RTTN: variants seen among roughly 807,000 people sequenced by gnomAD.
The protein encoded by RTTN is rotatin.
A neutral mutation model predicts 269.2 loss-of-function variants in RTTN; 182 were observed. The ratio of observed to expected loss-of-function variants is 0.68; its 90% confidence interval spans 0.60 to 0.76. RTTN has a LOEUF of 0.76. Among genes scored for constraint, RTTN ranks in the 30% least tolerant of loss-of-function variants. RTTN has a pLI of 0.00. For synonymous variants in RTTN, 1,006 were observed against 963.5 expected (o/e 1.04, Z -0.82); for missense variants, 2,545 against 2,608.6 (o/e 0.98, Z 0.53).
chr18:70,041,831 C>T (rs2057349324), intron 40 of RTTN, among the ~76,000 whole-genome samples: 1 of 152,038 alleles, frequency 6.6e-6, no homozygotes, highest in African/African-American at 2.4e-5. Flanking sequence ...TACTTGGCTA[C>T]ATAACATTTG....
rs148458931 is a variant in RTTN, at chr18:70,024,948, G to A, written c.5824-100C>T. 6 of 1,355,496 alleles carry A rather than the reference G, an allele frequency of 4.4e-6. No homozygotes were observed. The South Asian group carries it at 8.7e-5, about 20-fold the overall frequency. 84.0% of individuals were successfully genotyped at this position (1,355,496 alleles called of 1,614,324 possible). A position where few individuals can be genotyped will look rare whatever the true frequency, so the allele number is the denominator to read the frequency against. ...GAAAGCCATCAACATAAGACCCAAG[G>A]AGAACCCTGTGGATGGCTTCAGCAT... is the stretch of plus-strand genomic sequence containing the variant. On this transcript the variant is annotated intron_variant, in intron 43 of 48. Coordinates refer to ENST00000640769, the MANE Select transcript of RTTN (RefSeq NM_173630.4).
rs2057169083 is a variant in RTTN at position 70,036,284 on chromosome 18, G to A, written c.5542-5303C>T. Reference sequence around the variant, plus strand: ...GCACTATCTGCAATGGTAAAGACATGGAATCAACTTAAATGCCCATCAATG... The same window carrying A: ...GCACTATCTGCAATGGTAAAGACATAGAATCAACTTAAATGCCCATCAATG... On this transcript the variant is annotated intron_variant, in intron 40 of 48. Transcript: ENST00000640769. Among the ~76,000 whole-genome samples the A allele has an allele frequency of 2.0e-5, 3 of 152,124 alleles. No homozygotes were observed. The South Asian group carries it at 6.2e-4, about 31-fold the overall frequency.
chr18:70,025,533 C>T (rs750910514), intron 43 of RTTN, among the ~76,000 whole-genome samples: 12 of 152,146 alleles, frequency 7.9e-5, no homozygotes, highest in African/African-American at 2.4e-4. Flanking sequence ...ACACCCTATA[C>T]GATTTCACAT....
Position 70,004,424 on chromosome 18 carries a change from AT to A in RTTN, c.6596-189del, listed in dbSNP as rs1195169852. On this transcript the variant is annotated intron_variant, in intron 48 of 48. Coordinates refer to ENST00000640769, the MANE Select transcript of RTTN (RefSeq NM_173630.4). ...AAAATAAACAAGTTACAAAATCAATATTTTTTTAAATTAACAGCTTACCCAG... is the reference window on the plus strand; with the variant it reads ...AAAATAAACAAGTTACAAAATCAATATTTTTTAAATTAACAGCTTACCCAG... Among the ~76,000 whole-genome samples, 22 of 152,268 alleles carry A rather than the reference AT, an allele frequency of 1.4e-4. No homozygotes were observed. In the East Asian group the frequency reaches 1.9e-3, roughly 13 times the overall value.
Position 70,022,465 on chromosome 18 carries a change from T to C in RTTN, c.5951-1648A>G, listed in dbSNP as rs1568252869. Among the ~76,000 whole-genome samples, 2 of 152,166 alleles carry C rather than the reference T, an allele frequency of 1.3e-5. 1 individual carries two copies. Among genetic ancestry groups the C allele is most frequent in the South Asian group, 4.1e-4 (2 of 4,834 alleles). On this transcript the variant is annotated intron_variant, in intron 44 of 48. Transcript: ENST00000640769. The stretch of plus-strand genomic sequence containing the variant: ...TCCCAATCCCTTAAGTTAATAAACA[T>C]GCCTTAAAAACATACATCTTTAAAA...
chr18:70,044,311 A>G (rs1480901024), intron 40 of RTTN, among the ~76,000 whole-genome samples: 4 of 152,248 alleles, frequency 2.6e-5, no homozygotes, highest in Non-Finnish European at 5.9e-5. Context: ...CTACTTTTAG[A>G]TATCAGATCA....
chr18:70,054,498 G>A (rs1236478429), intron 37 of RTTN, among the ~76,000 whole-genome samples: 1 of 152,252 alleles, frequency 6.6e-6, no homozygotes, highest in African/African-American at 2.4e-5. Flanking sequence ...ACCAAACAAA[G>A]CAATGTTTTC....
At chr18:70,025,881 T>C (rs1271183649) in intron 43 of RTTN, among the ~76,000 whole-genome samples, 1 of 152,232 alleles carries the variant, frequency 6.6e-6, no homozygotes, top group East Asian at 1.9e-4. Flanking sequence ...ACACAGCTCT[T>C]CCTGCCTCCT....
chr18:70,121,667 A>G lies in RTTN; in HGVS notation c.3417T>C (p.Asp1139=), dbSNP rs1455077661. The stretch of plus-strand genomic sequence containing the variant: ...GTATGATATCTATTAGCAGTTTCTC[A>G]TCTTCAGTGCAAGCAGGAAGCACCT... The part of the protein sequence containing the change: ...FLQVLPACTE[D]EKLLIDIIHF... The change falls in exon 26 of 49, where the codon GAT becomes GAC. Residue 1139 remains aspartate, a synonymous_variant. Transcript: ENST00000640769. 1 of 1,565,262 alleles carries G rather than the reference A, an allele frequency of 6.4e-7. No homozygotes were observed. Among genetic ancestry groups the G allele is most frequent in the Non-Finnish European group, 8.6e-7 (1 of 1,162,886 alleles).
At chr18:70,005,389 T>A in intron 47 of RTTN, 122 bp from the exon 48 acceptor site, 1 of 591,162 alleles carries the variant, frequency 1.7e-6, no homozygotes, top group East Asian at 3.0e-5. Context: ...ATAATATAAC[T>A]AGAGAGTTCC....
At chr18:70,071,246 AT>A (rs1430420986) in intron 34 of RTTN, among the ~76,000 whole-genome samples, 1 of 152,214 alleles carries the variant, frequency 6.6e-6, no homozygotes, top group Non-Finnish European at 1.5e-5. Context: ...AAGTGTAAAA[AT>A]TCTCTTTAAA....
At chr18:70,116,664 A>G (rs2059609178) in intron 26 of RTTN, among the ~76,000 whole-genome samples, 1 of 152,004 alleles carries the variant, frequency 6.6e-6, no homozygotes, top group African/African-American at 2.4e-5. Context: ...GTCACTGTTG[A>G]CCTCTAAAAG....
At position 70,017,528 on chromosome 18, in the gene RTTN, G is replaced by A; in HGVS notation, c.6300C>T (p.Gly2100=). 6.2e-7 allele frequency: 1 copy of A among 1,614,056 alleles called. No homozygotes were observed. The highest frequency in any genetic ancestry group is 2.2e-5 in the East Asian group (1 of 44,854). The change falls in exon 46 of 49, where the codon GGC becomes GGT. Residue 2100 remains glycine (G), a synonymous_variant. Coordinates refer to ENST00000640769, the MANE Select transcript of RTTN (RefSeq NM_173630.4). ...DGQQMILRLD[G]CLDLLTEMSK... is the part of the protein sequence containing the mutation. The stretch of plus-strand genomic sequence containing the variant: ...TCATCTCTGTTAGTAAGTCTAGACA[G>A]CCATCAAGCCTCAGAATCATTTGTT...
intron 23 of RTTN, chr18:70,130,181 G>A (rs189962809): frequency 2.6e-5 from 4 of 152,086 alleles, no homozygotes; most frequent in Admixed American, 2.0e-4. Context: ...CTGTTAGTGG[G>A]AATGTAAATT....
chr18:70,037,102 C>G (rs1356845810), intron 40 of RTTN, among the ~76,000 whole-genome samples: 4 of 152,194 alleles, frequency 2.6e-5, no homozygotes. Flanking sequence ...GATCAACTGC[C>G]CAAACCAGCA....
intron 10 of RTTN, among the ~76,000 whole-genome samples, chr18:70,177,884 C>CA (rs565420621): frequency 8.6e-4 from 131 of 151,916 alleles, no homozygotes; most frequent in African/African-American, 2.9e-3. Flanking sequence ...GGCAGTTCCT[C>CA]AAAAAAACAC....
At chr18:70,042,366 CTTTTTTTTTTTTTT>C (rs1017125527) in intron 40 of RTTN, among the ~76,000 whole-genome samples, 9 of 78,068 alleles carry the variant, frequency 1.2e-4, no homozygotes, top group South Asian at 4.4e-4. Context: ...TTGGAATTTT[CTTTTTTTTTTTTTT>C]TTTTTTTTTT....
Position 70,204,096 on chromosome 18 carries a change from G to C in RTTN, c.387C>G (p.Thr129=). The change falls in exon 3 of 49, where the codon ACC becomes ACG. Residue 129 remains threonine (T), a synonymous_variant. Transcript: ENST00000640769. ...VPALSSASYQ[T]NQTELSKNPE... ...ATTCCAAAGAGTTACCAGTTTGATT[G>C]GTTTGGTATGAGGCAGAAGATAGTG... 2 of 1,605,482 alleles carry C rather than the reference G, an allele frequency of 1.2e-6. No homozygotes were observed. The highest frequency in any genetic ancestry group is 8.5e-7 in the Non-Finnish European group (1 of 1,174,392).
chr18:70,165,577 T>C (rs1001437138), intron 14 of RTTN, among the ~76,000 whole-genome samples: 3 of 152,000 alleles, frequency 2.0e-5, no homozygotes, highest in East Asian at 1.9e-4. Flanking sequence ...CTTTTAAATA[T>C]TGTCCTATGT....
Sources: allele counts gnomAD v4.1 joint callset (sites outside exome capture counted in the v4.1 genomes callset), GRCh38; gene constraint gnomAD v4.1.1; transcripts MANE v1.5; gene names NCBI Gene and HGNC (gene_info 2026-07-23, HGNC 2026-07-21).